The following ERG variants were observed in gnomAD, a reference collection of about 807,000 sequenced individuals.
The protein encoded by ERG is transcriptional regulator ERG.
ERG carries 9 observed loss-of-function variants against 55.3 expected under a neutral mutation model. The observed-to-expected ratio is 0.16, with a 90% CI of 0.10 to 0.28. ERG has a LOEUF of 0.28. Among genes scored for constraint, ERG ranks in the 10% least tolerant of loss-of-function variants. The pLI is 1.00. For missense variants in ERG, 434 were observed against 631.6 expected (o/e 0.69, Z 3.35); for synonymous variants, 223 against 237.3 (o/e 0.94, Z 0.55).
chr21:38,633,064 T>C (rs924389337), intron 1 of ERG, among the ~76,000 whole-genome samples: 1 of 152,204 alleles, frequency 6.6e-6, no homozygotes, highest in African/African-American at 2.4e-5. Flanking sequence ...AAGAAAGTCC[T>C]GTCCCATGTT....
chr21:38,505,785 C>T (rs186007308), intron 2 of ERG, among the ~76,000 whole-genome samples: 377 of 152,336 alleles, frequency 2.5e-3, no homozygotes, highest in African/African-American at 8.7e-3. Flanking sequence ...AAGAACTACA[C>T]TGCATTGTTG....
chr21:38,503,264 G>GC (rs1341620393), upstream of ERG, among the ~76,000 whole-genome samples: 1 of 151,932 alleles, frequency 6.6e-6, no homozygotes, highest in African/African-American at 2.4e-5. Flanking sequence ...AAAAATACAG[G>GC]CATGTTCTGT....
At position 38,427,120 on chromosome 21, in the gene ERG, T is replaced by A. The variant is rs866309212; in HGVS notation, c.237-3559A>T. Among the ~76,000 whole-genome samples, 78 of 151,830 alleles carry A rather than the reference T, an allele frequency of 5.1e-4. 1 individual carries two copies. Among genetic ancestry groups the A allele is most frequent in the Admixed American group, 3.9e-4 (6 of 15,272 alleles). ...CCTTCAGGCTGGTTGCGGCAGCTCA[T>A]GCCTGTAATCTCAGCACTTTGGGAG... On this transcript the variant is annotated intron_variant, in intron 2 of 9. Transcript: ENST00000288319.
At chr21:38,578,195 C>G (rs1463751919) in intron 1 of ERG, among the ~76,000 whole-genome samples, 2 of 152,238 alleles carry the variant, frequency 1.3e-5, no homozygotes, top group Non-Finnish European at 2.9e-5. Context: ...TGAGTCCAGT[C>G]AGCCCACAGA....
At chr21:38,390,427 G>A (rs1420853907) in intron 9 of ERG, among the ~76,000 whole-genome samples, 3 of 152,204 alleles carry the variant, frequency 2.0e-5, no homozygotes, top group African/African-American at 7.2e-5. Context: ...CAGTATCTAA[G>A]AATGTGACCT....
intron 2 of ERG, among the ~76,000 whole-genome samples, chr21:38,506,245 T>C (rs2059459865): frequency 6.6e-6 from 1 of 152,192 alleles, no homozygotes; most frequent in Admixed American, 6.5e-5. Context: ...GTTCAATATG[T>C]TCCCAAATGT....
chr21:38,529,750 A>C (rs1050486703), intron 2 of ERG, among the ~76,000 whole-genome samples: 1 of 152,068 alleles, frequency 6.6e-6, no homozygotes, highest in Non-Finnish European at 1.5e-5. Context: ...CGATCACCTG[A>C]GGTCAGGAGT....
the ERG span, among the ~76,000 whole-genome samples, chr21:38,374,928 G>A: frequency 2.0e-5 from 3 of 151,958 alleles, no homozygotes; most frequent in African/African-American, 4.8e-5. Flanking sequence ...CTTTGCTCAA[G>A]AAAAGAAAAA....
chr21:38,653,511 G>T (rs1438115532), intron 1 of ERG, among the ~76,000 whole-genome samples: 1 of 152,138 alleles, frequency 6.6e-6, no homozygotes, highest in Non-Finnish European at 1.5e-5. Context: ...TAAGGACACC[G>T]CATTTAGAGT....
At chr21:38,535,092 T>TC (rs2059699851) in intron 2 of ERG, among the ~76,000 whole-genome samples, 1 of 152,044 alleles carries the variant, frequency 6.6e-6, no homozygotes, top group South Asian at 2.1e-4. Flanking sequence ...TTAGCTATTT[T>TC]CCCTAAGGCT....
chr21:38,375,956 CTTAA>C (rs1321301584), downstream of ERG, among the ~76,000 whole-genome samples: 2 of 152,188 alleles, frequency 1.3e-5, no homozygotes, highest in African/African-American at 4.8e-5. Context: ...TTCTTCCTGC[CTTAA>C]TTAACTTCCT....
intron 1 of ERG, among the ~76,000 whole-genome samples, chr21:38,614,209 T>A (rs959083389): frequency 6.6e-6 from 1 of 152,182 alleles, no homozygotes; most frequent in Non-Finnish European, 1.5e-5. Flanking sequence ...AACAGTTGTT[T>A]CCATGAGCCC....
intron 2 of ERG, among the ~76,000 whole-genome samples, chr21:38,554,820 AAAAT>A (rs2059847711): frequency 6.6e-6 from 1 of 151,840 alleles, no homozygotes; most frequent in Non-Finnish European, 1.5e-5. Flanking sequence ...CCCCGAACCT[AAAAT>A]AAAAGTTAGA....
chr21:38,531,345 G>A (rs999183011), intron 2 of ERG, among the ~76,000 whole-genome samples: 5 of 152,120 alleles, frequency 3.3e-5, no homozygotes, highest in African/African-American at 4.8e-5. Context: ...CACATGAGGC[G>A]ACATGGTTTT....
At chr21:38,422,568 G>A (rs1234914703) in intron 3 of ERG, among the ~76,000 whole-genome samples, 1 of 152,246 alleles carries the variant, frequency 6.6e-6, no homozygotes, top group African/African-American at 2.4e-5. Context: ...AAGGTTCACT[G>A]ACTGGTGACT....
chr21:38,400,451 T>G (rs2062401121), intron 6 of ERG, 123 bp downstream of exon 6: 1 of 811,408 alleles, frequency 1.2e-6, no homozygotes, highest in Non-Finnish European at 2.2e-6. Context: ...AGAATAAGAC[T>G]GTCTGGGACT....
chr21:38,459,471 C>T lies in ERG; in HGVS notation c.19-13850G>A, dbSNP rs115626078. On this transcript the variant is annotated intron_variant, in intron 1 of 9. Coordinates refer to ENST00000288319, the MANE Select transcript of ERG (RefSeq NM_182918.4). ...TGCCATTACAATTTACTTTGGGGGA[C>T]GATTTTATAGCACGTCTTCACAGAC... 5.9e-3 allele frequency among the ~76,000 whole-genome samples: 898 copies of T among 152,282 alleles called. 5 individuals carry two copies. Among genetic ancestry groups the T allele is most frequent in the African/African-American group, 0.02 (824 of 41,552 alleles).
chr21:38,499,420 A>C (rs1208519939), upstream of ERG, among the ~76,000 whole-genome samples: 1 of 152,194 alleles, frequency 6.6e-6, no homozygotes, highest in African/African-American at 2.4e-5. Flanking sequence ...CAGGACTTTA[A>C]TTACTCATTT....
intron 1 of ERG, chr21:38,575,840 A>T (rs1490393914): frequency 4.3e-6 from 4 of 929,606 alleles, no homozygotes; most frequent in Admixed American, 2.1e-5. Context: ...CACCAATGGC[A>T]AAAGAATCAT....
Sources: gnomAD v4.1 joint callset for allele counts (sites outside exome capture counted in the v4.1 genomes callset) on GRCh38, gnomAD v4.1.1 for gene constraint, MANE v1.5 for transcripts, NCBI Gene and HGNC (gene_info 2026-07-23, HGNC 2026-07-21) for gene names.